Variants in NREP observed in about 807,000 individuals in gnomAD.
NREP encodes neuronal regeneration related protein, also known as neuronal regeneration-related protein.
Under a neutral mutation model 8.6 loss-of-function variants are expected in NREP, and 5 were observed. The ratio of observed to expected loss-of-function variants is 0.58; its 90% CI spans 0.30 to 1.22. The LOEUF is 1.22. NREP is among the 50% of genes most tolerant of loss of function. The pLI, the probability that NREP is intolerant of heterozygous loss-of-function variation, is 0.07. For synonymous variants in NREP, 27 were observed against 28.0 expected, an observed-to-expected ratio of 0.96 and a Z score of 0.11; for missense variants, 86 against 82.5, an observed-to-expected ratio of 1.04 and a Z score of -0.17.
intron 2 of NREP, among the ~76,000 whole-genome samples, chr5:111,865,154 C>T (rs1174988808): frequency 6.6e-6 from 1 of 152,094 alleles, no homozygotes; most frequent in Non-Finnish European, 1.5e-5. Context: ...AGTGTTTCCT[C>T]CTTCATACCC....
chr5:111,868,672 T>G (rs1291076207), intron 2 of NREP, among the ~76,000 whole-genome samples: 1 of 152,204 alleles, frequency 6.6e-6, no homozygotes, highest in East Asian at 1.9e-4. Context: ...TGGTCCATTT[T>G]CATCACCTGT....
chr5:111,944,675 G>A (rs905732560), intron 2 of NREP, among the ~76,000 whole-genome samples: 2 of 152,002 alleles, frequency 1.3e-5, no homozygotes, highest in African/African-American at 4.8e-5. Context: ...AACTTGATTG[G>A]TTCTCTCTTG....
intron 1 of NREP, chr5:111,976,706 A>G: frequency 6.5e-7 from 1 of 1,549,870 alleles, no homozygotes; most frequent in Non-Finnish European, 8.7e-7. Flanking sequence ...TATTCTTCAC[A>G]TACCAAAGCA....
intron 2 of NREP, among the ~76,000 whole-genome samples, chr5:111,879,839 G>A (rs886161678): frequency 5.3e-5 from 8 of 152,014 alleles, no homozygotes; most frequent in Non-Finnish European, 7.4e-5. Flanking sequence ...GAGAGAGAGA[G>A]AAAAAAAGAC....
chr5:111,783,141 G>A (rs1431034070), intron 2 of NREP, among the ~76,000 whole-genome samples: 2 of 152,110 alleles, frequency 1.3e-5, no homozygotes, highest in Non-Finnish European at 2.9e-5. Flanking sequence ...GACTATAGGT[G>A]ACACTCTCAA....
At chr5:111,817,699 G>A (rs1027780788) in intron 2 of NREP, among the ~76,000 whole-genome samples, 2 of 151,284 alleles carry the variant, frequency 1.3e-5, no homozygotes, top group African/African-American at 4.9e-5. Flanking sequence ...CAGCTACTCG[G>A]GAGGCTGAGG....
intron 2 of NREP, among the ~76,000 whole-genome samples, chr5:111,914,522 G>T (rs1754996466): frequency 6.6e-6 from 1 of 152,050 alleles, no homozygotes; most frequent in South Asian, 2.1e-4. Context: ...CTAGCCAATC[G>T]GGACAAATAC....
intron 2 of NREP, chr5:111,975,268 T>A (rs1469413137): frequency 6.5e-7 from 1 of 1,546,490 alleles, no homozygotes. Context: ...TAGCAGTTTG[T>A]CTTACACAAT....
intron 2 of NREP, among the ~76,000 whole-genome samples, chr5:111,934,769 T>A (rs78397081): frequency 0.02 from 3,052 of 152,174 alleles, 49 homozygotes; most frequent in Non-Finnish European, 0.028. Flanking sequence ...CTAACACAGG[T>A]GGCTGAGCAG....
intron 2 of NREP, among the ~76,000 whole-genome samples, chr5:111,747,197 T>C (rs1314437635): frequency 6.6e-6 from 1 of 152,202 alleles, no homozygotes; most frequent in Non-Finnish European, 1.5e-5. Flanking sequence ...TTTATCCATA[T>C]AAATACTGAC....
At chr5:111,789,531 T>C (rs1299723787) in intron 2 of NREP, among the ~76,000 whole-genome samples, 1 of 152,220 alleles carries the variant, frequency 6.6e-6, no homozygotes, top group Non-Finnish European at 1.5e-5. Context: ...GCCCATATTT[T>C]ATCAGAGAAG....
intron 2 of NREP, among the ~76,000 whole-genome samples, chr5:111,932,963 G>T (rs981244804): frequency 6.6e-6 from 1 of 152,008 alleles, no homozygotes; most frequent in African/African-American, 2.4e-5. Context: ...TAAAGGAAAC[G>T]GTTCTGTCCT....
intron 2 of NREP, among the ~76,000 whole-genome samples, chr5:111,769,942 A>T (rs1311793451): frequency 6.6e-6 from 1 of 152,204 alleles, no homozygotes; most frequent in Non-Finnish European, 1.5e-5. Context: ...CATATCAGTG[A>T]GTATTCCTAT....
At chr5:111,773,715 A>G (rs931946503) in intron 2 of NREP, among the ~76,000 whole-genome samples, 1 of 152,194 alleles carries the variant, frequency 6.6e-6, no homozygotes, top group East Asian at 1.9e-4. Context: ...TTCCTTTACT[A>G]AAGTGGGTTA....
At chr5:111,928,111 C>T (rs923401856) in intron 2 of NREP, among the ~76,000 whole-genome samples, 2 of 152,114 alleles carry the variant, frequency 1.3e-5, no homozygotes, top group East Asian at 3.9e-4. Context: ...CACCTGCTCC[C>T]CGCCACCCTG....
intron 2 of NREP, among the ~76,000 whole-genome samples, chr5:111,853,681 C>G (rs2112471451): frequency 6.7e-6 from 1 of 149,294 alleles, no homozygotes; most frequent in African/African-American, 2.4e-5. Context: ...TTTCTTTCTT[C>G]TTTTTTTTTT....
At position 111,730,746 on chromosome 5, in the gene NREP, T is replaced by C. The variant is rs1244098437; in HGVS notation, c.*175A>G. The C allele has an allele frequency of 4.3e-6, 3 of 693,490 alleles. No individual in the cohort carries two copies. In the Admixed American group the frequency reaches 7.9e-5, roughly 18 times the overall value. 43.0% of individuals were successfully genotyped at this position (693,490 alleles called of 1,614,324 possible). On this transcript the variant is annotated 3_prime_UTR_variant, in exon 4 of 4. Coordinates refer to ENST00000257435, the MANE Select transcript of NREP (RefSeq NM_004772.4). ...AGCGTTTTCACTTGAGTCAGAATGATTAAAAACTGGTTTGATGACACCTAT... is the reference window on the plus strand; with the variant it reads ...AGCGTTTTCACTTGAGTCAGAATGACTAAAAACTGGTTTGATGACACCTAT...
chr5:111,964,876 A>AAG (rs1756595455), intron 2 of NREP, among the ~76,000 whole-genome samples: 1 of 129,408 alleles, frequency 7.7e-6, no homozygotes, highest in African/African-American at 4.0e-5. Context: ...AAAAAAAAAA[A>AAG]AAAAAAAAAA....
In NREP at chr5:111,790,793, A is replaced by C. The variant is rs534591718; in HGVS notation, c.136-55286T>G. Among the ~76,000 whole-genome samples the C allele has an allele frequency of 4.6e-5, 7 of 152,290 alleles. No individual in the cohort carries two copies. The South Asian group carries it at 1.5e-3, about 32-fold the overall frequency. ...TTATTTAGGATATATTGTTGAGTAC[A>C]AATGACACTTGAACAACACAGGTTT... On this transcript the variant is annotated intron_variant, in intron 2 of 3. Transcript: ENST00000395634.
Sources: gnomAD v4.1 joint callset for allele counts (sites outside exome capture counted in the v4.1 genomes callset) on GRCh38, gnomAD v4.1.1 for gene constraint, MANE v1.5 for transcripts, NCBI Gene and HGNC (gene_info 2026-07-23, HGNC 2026-07-21) for gene names.